Variants in LY75 observed in about 807,000 individuals in gnomAD.
LY75 encodes the protein C-type lectin domain family 13 member B.
Under a neutral mutation model 231.7 loss-of-function variants are expected in LY75, and 185 were observed. The observed-to-expected ratio is 0.80, with a 90% confidence interval of 0.71 to 0.90. The LOEUF (loss-of-function observed/expected upper bound fraction) is 0.90, where lower values mean the gene tolerates loss of function less well. Ranked by LOEUF, LY75 falls within the 40% of genes least tolerant of loss-of-function variation. LY75 has a pLI of 0.00. For synonymous variants in LY75, 668 were observed against 689.0 expected (o/e 0.97, Z 0.48); for missense variants, 1,947 against 2,050.2 (o/e 0.95, Z 0.97).
intron 31 of LY75, among the ~76,000 whole-genome samples, chr2:159,813,284 G>A (rs999410234): frequency 6.6e-6 from 1 of 151,310 alleles, no homozygotes; most frequent in African/African-American, 2.4e-5. Flanking sequence ...AGTGCATAAG[G>A]GTTCCATTTT....
chr2:159,896,994 G>A (rs1219200461), intron 2 of LY75, among the ~76,000 whole-genome samples: 2 of 152,158 alleles, frequency 1.3e-5, no homozygotes, highest in Non-Finnish European at 2.9e-5. Flanking sequence ...GCATTGCTTA[G>A]CTCTCTCTGG....
intron 23 of LY75, among the ~76,000 whole-genome samples, chr2:159,845,577 A>T (rs1022058314): frequency 6.6e-6 from 1 of 151,848 alleles, no homozygotes; most frequent in East Asian, 1.9e-4. Flanking sequence ...GAACATGTAG[A>T]CTTTTTTGTC....
rs375037166 is a variant in LY75 at position 159,819,940 on chromosome 2, T to TC, written c.3959-21dup. On this transcript the variant is annotated intron_variant, in intron 28 of 34. Transcript: ENST00000263636. ...ACTTATCTAGAGAAGAAACATTTTT[T>TC]CCTATGCTTAGAGATTAAATCAAGA... The TC allele has an allele frequency of 6.3e-7, 1 of 1,576,404 alleles. No individual in the cohort carries two copies. Among genetic ancestry groups the TC allele is most frequent in the African/African-American group, 1.4e-5 (1 of 72,878 alleles).
intron 21 of LY75, among the ~76,000 whole-genome samples, chr2:159,851,826 GC>G (rs1684410330): frequency 6.6e-6 from 1 of 152,204 alleles, no homozygotes; most frequent in South Asian, 2.1e-4. Context: ...ATTGGCAGAT[GC>G]TGCTTGGATG....
In LY75 at chr2:159,804,236, C is replaced by G. The variant is rs1413494869; in HGVS notation, c.*808G>C. The G allele has an allele frequency of 6.6e-6, 1 of 152,192 alleles. No homozygotes were observed. Among genetic ancestry groups the G allele is most frequent in the African/African-American group, 2.4e-5 (1 of 41,448 alleles). 9.4% of individuals were successfully genotyped at this position (152,192 alleles called of 1,614,324 possible). On this transcript the variant is annotated 3_prime_UTR_variant, in exon 35 of 35. Coordinates refer to ENST00000263636, the MANE Select transcript of LY75 (RefSeq NM_002349.4). ...TGCTATATAAAAAGTAAGCAGAGGC[C>G]AGGCGCGGTGGCTCATGCCTGTAAT...
intron 23 of LY75, among the ~76,000 whole-genome samples, chr2:159,844,665 G>A (rs574948314): frequency 3.8e-4 from 58 of 151,218 alleles, no homozygotes; most frequent in Non-Finnish European, 7.1e-4. Context: ...AAAATCTAAT[G>A]AAAAACTCAG....
intron 27 of LY75, among the ~76,000 whole-genome samples, chr2:159,832,281 C>A (rs1444126082): frequency 6.6e-6 from 1 of 152,200 alleles, no homozygotes; most frequent in Non-Finnish European, 1.5e-5. Flanking sequence ...GGCAAGCGAG[C>A]ATCACCGCTT....
chr2:159,831,642 A>G, intron 28 of LY75, 28 bp downstream of exon 28: 1 of 1,605,336 alleles, frequency 6.2e-7, no homozygotes, highest in Non-Finnish European at 8.5e-7. Flanking sequence ...AAAAACAAAT[A>G]GAGAAAGTTG....
At chr2:159,874,989 TTATAAATATATATATTGTATA>T (rs1361909662) in intron 12 of LY75, among the ~76,000 whole-genome samples, 1 of 143,366 alleles carries the variant, frequency 7.0e-6, no homozygotes, top group Non-Finnish European at 1.5e-5. Context: ...GTAAATATGT[TTATAAATATATATATTGTATA>T]TATAAATATA....
intron 13 of LY75, among the ~76,000 whole-genome samples, chr2:159,868,649 T>C (rs1386344450): frequency 6.6e-6 from 1 of 152,194 alleles, no homozygotes; most frequent in Non-Finnish European, 1.5e-5. Flanking sequence ...TGGATGCTCT[T>C]AATGGTCATT....
intron 13 of LY75, among the ~76,000 whole-genome samples, chr2:159,866,832 T>C (rs1684870863): frequency 6.6e-6 from 1 of 152,188 alleles, no homozygotes; most frequent in African/African-American, 2.4e-5. Flanking sequence ...AGCTATTTTA[T>C]CTTCTTTACA....
chr2:159,882,850 A>T (rs1685475836), intron 6 of LY75, among the ~76,000 whole-genome samples: 1 of 152,070 alleles, frequency 6.6e-6, no homozygotes, highest in Non-Finnish European at 1.5e-5. Context: ...CATCCAAGAG[A>T]TGAGAGGGCA....
In LY75 at chr2:159,853,420, T is replaced by A. The variant is rs1684460662; in HGVS notation, c.2664-68A>T. On this transcript the variant is annotated intron_variant, in intron 19 of 34. Coordinates refer to ENST00000263636, the MANE Select transcript of LY75 (RefSeq NM_002349.4). ...GTGTTCCATTTTTTTCTTTTTACTG[T>A]AAGTTATTTTATTTCTAAATTTAAT... 5.8e-6 allele frequency: 9 copies of A among 1,552,928 alleles called. No homozygotes were observed. In the South Asian group the frequency reaches 1.0e-4, roughly 18 times the overall value.
At position 159,878,688 on chromosome 2, in the gene LY75, T is replaced by A; in HGVS notation, c.1549A>T (p.Ile517Phe). 1 of 1,613,998 alleles carries A rather than the reference T, an allele frequency of 6.2e-7. No homozygotes were observed. Among genetic ancestry groups the A allele is most frequent in the South Asian group, 1.1e-5 (1 of 91,074 alleles). Residue 517 changes from isoleucine (I) to phenylalanine (F), a missense_variant, in exon 10 of 35, where the codon ATT (isoleucine) becomes TTT (phenylalanine). Ile to Phe is a conservative substitution (Grantham distance 21). Coordinates refer to ENST00000263636, the MANE Select transcript of LY75 (RefSeq NM_002349.4). ...CCAAAAGGGACCTCATCCTCATAAA[T>A]CTTGTAACAGGTTTCTCCATGTCTC... ...WKRHGETCYK[I>F]YEDEVPFGTN...
At chr2:159,827,448 G>C (rs1025861321) in intron 28 of LY75, among the ~76,000 whole-genome samples, 25 of 152,280 alleles carry the variant, frequency 1.6e-4, no homozygotes, top group East Asian at 3.9e-4. Flanking sequence ...TCATTAAAAA[G>C]TCAGGAACAA....
chr2:159,842,576 T>G (rs1243210054), intron 23 of LY75, among the ~76,000 whole-genome samples: 1 of 152,094 alleles, frequency 6.6e-6, no homozygotes, highest in East Asian at 1.9e-4. Context: ...AACAAAATAG[T>G]GGCAATCTTG....
At chr2:159,813,135 AC>A (rs1683013018) in intron 31 of LY75, among the ~76,000 whole-genome samples, 1 of 152,192 alleles carries the variant, frequency 6.6e-6, no homozygotes, top group African/African-American at 2.4e-5. Flanking sequence ...TTGTACAAAC[AC>A]CTGTTTGAAT....
In LY75 at chr2:159,819,814, G is replaced by A. The variant is rs752616828; in HGVS notation, c.4065C>T (p.Asp1355=). 36 of 1,613,946 alleles carry A rather than the reference G, an allele frequency of 2.2e-5. No homozygotes were observed. The highest frequency in any genetic ancestry group is 3.3e-4 in the Middle Eastern group (2 of 6,084). The change falls in exon 29 of 35, where the codon GAC becomes GAT. Residue 1355 remains aspartate, a synonymous_variant. Transcript: ENST00000263636. ...TAAAGGTTTGAATATCCCAGAAGCCGTCAGTACTTAAACCAGCCAAAAACT... is the reference window on the plus strand; with the variant it reads ...TAAAGGTTTGAATATCCCAGAAGCCATCAGTACTTAAACCAGCCAAAAACT... ...NEKFLAGLST[D]GFWDIQTFKV...
chr2:159,838,664 G>A (rs1035940921), intron 25 of LY75, among the ~76,000 whole-genome samples: 1 of 152,100 alleles, frequency 6.6e-6, no homozygotes, highest in Non-Finnish European at 1.5e-5. Context: ...ACAACAAAGC[G>A]TTTCACAGAA....
Sources: gnomAD v4.1 joint callset for allele counts (sites outside exome capture counted in the v4.1 genomes callset) on GRCh38, gnomAD v4.1.1 for gene constraint, MANE v1.5 for transcripts, NCBI Gene and HGNC (gene_info 2026-07-23, HGNC 2026-07-21) for gene names.